Variants in FSD1L observed in about 807,000 individuals in gnomAD.
FSD1L encodes the protein fibronectin type III and SPRY domain containing 1 like.
In FSD1L, 45 loss-of-function variants were observed where a neutral mutation model predicts 71.6. The ratio of observed to expected loss-of-function variants is 0.63; its 90% confidence interval spans 0.49 to 0.81. The LOEUF (loss-of-function observed/expected upper bound fraction) is 0.81, where lower values mean the gene tolerates loss of function less well. FSD1L is among the 30% of genes least tolerant of loss of function. The pLI is 0.00. For missense variants in FSD1L, 561 were observed against 618.1 expected (o/e 0.91, Z 0.98); for synonymous variants, 197 against 207.2 (o/e 0.95, Z 0.42).
intron 7 of FSD1L, among the ~76,000 whole-genome samples, chr9:105,486,917 A>T (rs1832587766): frequency 6.6e-6 from 1 of 152,164 alleles, no homozygotes; most frequent in African/African-American, 2.4e-5. Flanking sequence ...TTCTAGAAAC[A>T]GTCTATGCCT....
chr9:105,495,930 C>T (rs559728403), intron 7 of FSD1L, among the ~76,000 whole-genome samples: 44 of 150,902 alleles, frequency 2.9e-4, no homozygotes, highest in Non-Finnish European at 5.5e-4. Context: ...CGAGATTGCA[C>T]CACTGCACTG....
chr9:105,524,924 C>G, intron 10 of FSD1L: 2 of 1,613,650 alleles, frequency 1.2e-6, no homozygotes, highest in Non-Finnish European at 1.7e-6. Flanking sequence ...GTCCAAATAT[C>G]CAGTTCTTTG....
In FSD1L at chr9:105,520,837, C is replaced by A; in HGVS notation, c.1025+7901C>A. ...ATAGAAGAAATCACTCCTCTTGTCC[C>A]CCCACAATCAGGAGATAAAGGGCAA... On this transcript the variant is annotated intron_variant, in intron 10 of 13. Coordinates refer to ENST00000481272, the MANE Select transcript of FSD1L (RefSeq NM_001145313.3). The A allele has an allele frequency of 2.5e-6, 4 of 1,612,196 alleles. No individual in the cohort carries two copies. In the South Asian group the frequency reaches 3.3e-5, roughly 13 times the overall value.
chr9:105,472,602 A>C (rs1328701017), intron 5 of FSD1L: 2 of 152,220 alleles, frequency 1.3e-5, no homozygotes, highest in African/African-American at 4.8e-5. Flanking sequence ...TATAATTAGC[A>C]AAAATTACTG....
chr9:105,516,760 C>G (rs1458230281), intron 10 of FSD1L, among the ~76,000 whole-genome samples: 3 of 152,174 alleles, frequency 2.0e-5, no homozygotes, highest in Admixed American at 6.5e-5. Flanking sequence ...GCCAGAATGC[C>G]TGTTGTCCTC....
intron 6 of FSD1L, among the ~76,000 whole-genome samples, chr9:105,481,179 G>GTGTGTGTGTGT (rs71364100): frequency 9.1e-4 from 105 of 115,318 alleles, no homozygotes; most frequent in Middle Eastern, 5.3e-3. Flanking sequence ...GTGTGTGTGT[G>GTGTGTGTGTGT]GTTCTTTTTT....
At chr9:105,530,332 A>C (rs1452081729) in intron 10 of FSD1L, among the ~76,000 whole-genome samples, 1 of 152,188 alleles carries the variant, frequency 6.6e-6, no homozygotes, top group Non-Finnish European at 1.5e-5. Context: ...CATGCTTGAC[A>C]TAAAACTTAT....
chr9:105,469,378 A>T (rs869233979), intron 4 of FSD1L, among the ~76,000 whole-genome samples: 1 of 151,908 alleles, frequency 6.6e-6, no homozygotes, highest in Admixed American at 6.5e-5. Flanking sequence ...ACTATTTTAC[A>T]TCCTACCAGC....
intron 3 of FSD1L, among the ~76,000 whole-genome samples, chr9:105,465,008 G>C (rs563882630): frequency 7.4e-4 from 112 of 152,116 alleles, no homozygotes; most frequent in African/African-American, 2.3e-3. Flanking sequence ...TATTGGTAAG[G>C]GGTCTACTTG....
chr9:105,486,731 C>T (rs950240373), intron 7 of FSD1L, among the ~76,000 whole-genome samples: 6 of 152,052 alleles, frequency 3.9e-5, no homozygotes, highest in Non-Finnish European at 5.9e-5. Flanking sequence ...GGAAAGTTGT[C>T]CTTTCCTGCT....
At chr9:105,472,720 C>T (rs973437115) in intron 5 of FSD1L, 1 of 152,014 alleles carries the variant, frequency 6.6e-6, no homozygotes, top group Non-Finnish European at 1.5e-5. Flanking sequence ...TGATTTATGC[C>T]TAGTGATTGT....
At chr9:105,496,391 C>T (rs1338029206) in intron 7 of FSD1L, among the ~76,000 whole-genome samples, 1 of 151,942 alleles carries the variant, frequency 6.6e-6, no homozygotes, top group Non-Finnish European at 1.5e-5. Context: ...TTTGCCTTTC[C>T]ATATAAACTT....
At chr9:105,538,728 G>C (rs1836423196) in intron 12 of FSD1L, among the ~76,000 whole-genome samples, 1 of 152,084 alleles carries the variant, frequency 6.6e-6, no homozygotes, top group South Asian at 2.1e-4. Flanking sequence ...TTGAGCTCAG[G>C]AGTTCAAGCC....
intron 12 of FSD1L, among the ~76,000 whole-genome samples, chr9:105,536,689 G>A (rs1174164063): frequency 6.6e-6 from 1 of 152,052 alleles, no homozygotes; most frequent in East Asian, 1.9e-4. Context: ...AGGCTGGAGT[G>A]CAGTGGCTCA....
chr9:105,486,016 GT>G (rs1175331042), intron 7 of FSD1L, among the ~76,000 whole-genome samples: 3 of 147,634 alleles, frequency 2.0e-5, no homozygotes, highest in Non-Finnish European at 4.4e-5. Flanking sequence ...TATATGGTCA[GT>G]GACTTTAAAA....
intron 10 of FSD1L, chr9:105,513,730 A>G (rs1834534674): frequency 1.1e-6 from 1 of 885,962 alleles, no homozygotes; most frequent in Non-Finnish European, 1.7e-6. Context: ...AGCAGAAGCC[A>G]TTGCGGCAGC....
intron 10 of FSD1L, among the ~76,000 whole-genome samples, chr9:105,516,875 T>A (rs1834759157): frequency 6.6e-6 from 1 of 152,026 alleles, no homozygotes; most frequent in South Asian, 2.1e-4. Context: ...AACAAACTCC[T>A]CCAAACTAAA....
At chr9:105,520,272 CA>C (rs1835058041) in intron 10 of FSD1L, 1 of 1,581,538 alleles carries the variant, frequency 6.3e-7, no homozygotes, top group Non-Finnish European at 8.6e-7. Context: ...TGCATTCATC[CA>C]GATGCCTGAA....
intron 7 of FSD1L, among the ~76,000 whole-genome samples, chr9:105,491,862 G>T (rs949215960): frequency 6.6e-6 from 1 of 152,148 alleles, no homozygotes; most frequent in African/African-American, 2.4e-5. Context: ...CTTGATCATG[G>T]TGGATAAGCT....
Sources: gnomAD v4.1 joint callset for allele counts (sites outside exome capture counted in the v4.1 genomes callset) on GRCh38, gnomAD v4.1.1 for gene constraint, MANE v1.5 for transcripts, NCBI Gene and HGNC (gene_info 2026-07-23, HGNC 2026-07-21) for gene names.